Variants in ASTN1 observed in about 807,000 individuals in gnomAD.
ASTN1 encodes the protein astrotactin-1.
Under a neutral mutation model 140.7 loss-of-function variants are expected in ASTN1, and 41 were observed. The observed-to-expected ratio is 0.29, with a 90% CI of 0.23 to 0.38. ASTN1 has a LOEUF of 0.38. Among genes scored for constraint, ASTN1 ranks in the 10% least tolerant of loss-of-function variants. The pLI is 1.00. For missense variants in ASTN1, 1,479 were observed against 1,678.8 expected (o/e 0.88, Z 2.08); for synonymous variants, 640 against 652.2 (o/e 0.98, Z 0.29).
chr1:176,956,932 CTG>C (rs1197061479), intron 11 of ASTN1, among the ~76,000 whole-genome samples: 1 of 152,170 alleles, frequency 6.6e-6, no homozygotes, highest in Non-Finnish European at 1.5e-5. Flanking sequence ...GGGTCTCACT[CTG>C]TTGCCCAGGT....
chr1:177,093,861 C>T (rs1679893325), intron 1 of ASTN1, among the ~76,000 whole-genome samples: 1 of 152,162 alleles, frequency 6.6e-6, no homozygotes, highest in Non-Finnish European at 1.5e-5. Context: ...GAAGACTCTT[C>T]AATTATGTGT....
chr1:176,955,000 A>G (rs752937744), intron 11 of ASTN1, among the ~76,000 whole-genome samples: 2 of 152,152 alleles, frequency 1.3e-5, no homozygotes, highest in Non-Finnish European at 2.9e-5. Context: ...CAAGAATCCC[A>G]CCTGTCAGGT....
chr1:177,057,199 T>C lies in ASTN1; in HGVS notation c.471+3879A>G, dbSNP rs181404518. Among the ~76,000 whole-genome samples the C allele has an allele frequency of 4.6e-3, 700 of 151,784 alleles. 3 individuals carry two copies. Among genetic ancestry groups the C allele is most frequent in the African/African-American group, 0.016 (678 of 41,206 alleles). Reference sequence around the variant, plus strand: ...ATAATTCAAAAATTTTAGGATGTGATTGAAAAATAAGAAAAGCAAAAGGTT... The same window carrying C: ...ATAATTCAAAAATTTTAGGATGTGACTGAAAAATAAGAAAAGCAAAAGGTT... On this transcript the variant is annotated intron_variant, in intron 2 of 22. Coordinates refer to ENST00000361833, the MANE Select transcript of ASTN1 (RefSeq NM_004319.3).
intron 20 of ASTN1, among the ~76,000 whole-genome samples, chr1:176,879,162 C>G (rs1422750134): frequency 1.3e-5 from 2 of 152,212 alleles, no homozygotes; most frequent in African/African-American, 4.8e-5. Flanking sequence ...GTTCGCTCTC[C>G]CTCTTCCTAC....
At chr1:177,066,092 T>C (rs934325015) in intron 1 of ASTN1, among the ~76,000 whole-genome samples, 8 of 152,198 alleles carry the variant, frequency 5.3e-5, no homozygotes, top group Non-Finnish European at 8.8e-5. Context: ...GTGACTCATA[T>C]AACCACCTAT....
intron 11 of ASTN1, among the ~76,000 whole-genome samples, chr1:176,950,235 C>T (rs1368766007): frequency 6.6e-6 from 1 of 152,182 alleles, no homozygotes; most frequent in Non-Finnish European, 1.5e-5. Flanking sequence ...CCTCACAACA[C>T]CCCCAGGAGG....
intron 1 of ASTN1, among the ~76,000 whole-genome samples, chr1:177,130,080 G>C (rs1681871377): frequency 6.6e-6 from 1 of 152,228 alleles, no homozygotes; most frequent in Non-Finnish European, 1.5e-5. Flanking sequence ...CTTGCCCCAA[G>C]TCACAGAGCT....
At chr1:177,078,563 C>T (rs1289518061) in intron 1 of ASTN1, among the ~76,000 whole-genome samples, 1 of 152,056 alleles carries the variant, frequency 6.6e-6, no homozygotes, top group Non-Finnish European at 1.5e-5. Context: ...AAATATATGC[C>T]ACCCAACGGA....
At chr1:177,088,269 G>A (rs377520670) in intron 1 of ASTN1, among the ~76,000 whole-genome samples, 52 of 152,268 alleles carry the variant, frequency 3.4e-4, no homozygotes, top group African/African-American at 1.1e-3. Context: ...TGTCGCCTCG[G>A]CTACCTTGGT....
At chr1:177,113,563 T>C (rs989372313) in intron 1 of ASTN1, among the ~76,000 whole-genome samples, 1 of 152,196 alleles carries the variant, frequency 6.6e-6, no homozygotes, top group African/African-American at 2.4e-5. Flanking sequence ...CTCATTTTTG[T>C]CTTTACTTGT....
chr1:176,986,404 T>C (rs1299331225), intron 8 of ASTN1, among the ~76,000 whole-genome samples: 1 of 152,096 alleles, frequency 6.6e-6, no homozygotes, highest in Non-Finnish European at 1.5e-5. Context: ...TGCAAGGAGG[T>C]ACATGTGGCT....
intron 1 of ASTN1, among the ~76,000 whole-genome samples, chr1:177,071,241 C>T (rs1678620952): frequency 6.6e-6 from 1 of 152,150 alleles, no homozygotes; most frequent in South Asian, 2.1e-4. Context: ...GGATGCCATG[C>T]TATCTAGGCC....
intron 16 of ASTN1, among the ~76,000 whole-genome samples, chr1:176,924,402 C>A (rs1025472680): frequency 4.6e-5 from 7 of 152,212 alleles, no homozygotes; most frequent in African/African-American, 1.4e-4. Flanking sequence ...GTCACTGAGG[C>A]CTTCTCTGTG....
intron 16 of ASTN1, among the ~76,000 whole-genome samples, chr1:176,927,217 AC>A (rs2103081961): frequency 6.6e-6 from 1 of 152,340 alleles, no homozygotes; most frequent in Non-Finnish European, 1.5e-5. Context: ...ACTGGCCAGG[AC>A]AAAAAAGGTG....
chr1:177,126,896 G>T (rs1396545294), intron 1 of ASTN1, among the ~76,000 whole-genome samples: 2 of 152,172 alleles, frequency 1.3e-5, no homozygotes, highest in African/African-American at 4.8e-5. Context: ...ATGATCCAGT[G>T]CTTTCTGGGC....
intron 1 of ASTN1, among the ~76,000 whole-genome samples, chr1:177,088,366 A>G (rs977400715): frequency 5.9e-5 from 9 of 152,244 alleles, no homozygotes; most frequent in Admixed American, 3.9e-4. Flanking sequence ...TCTGCATTCC[A>G]CAAAAGGGGA....
chr1:177,152,042 T>C (rs776078311), intron 1 of ASTN1, among the ~76,000 whole-genome samples: 3 of 152,000 alleles, frequency 2.0e-5, no homozygotes, highest in Non-Finnish European at 4.4e-5. Flanking sequence ...GGAAAGATAA[T>C]AAGGTCAAGG....
chr1:176,943,146 C>T (rs958703720), intron 14 of ASTN1, among the ~76,000 whole-genome samples: 1 of 151,876 alleles, frequency 6.6e-6, no homozygotes, highest in African/African-American at 2.4e-5. Context: ...CAAGTGTTGC[C>T]AAATCTCAGT....
chr1:176,860,958 C>A (rs1194207943), downstream of ASTN1: 2 of 434,972 alleles, frequency 4.6e-6, no homozygotes, highest in African/African-American at 2.2e-5. Flanking sequence ...GACTATAAGG[C>A]CCATTATGTC....
Sources: allele counts gnomAD v4.1 joint callset (sites outside exome capture counted in the v4.1 genomes callset), GRCh38; gene constraint gnomAD v4.1.1; transcripts MANE v1.5; gene names NCBI Gene and HGNC (gene_info 2026-07-23, HGNC 2026-07-21).